Variants in RFTN1 observed in about 807,000 individuals in gnomAD.
RFTN1 encodes raftlin, lipid raft linker 1.
Under a neutral mutation model 46.5 loss-of-function variants are expected in RFTN1, and 26 were observed. That is an observed-to-expected ratio of 0.56 (90% CI 0.41 to 0.78). The LOEUF is 0.78. Ranked by LOEUF, RFTN1 falls within the 30% of genes least tolerant of loss-of-function variation. The pLI is 0.00. For missense variants in RFTN1, 693 were observed against 718.7 expected (o/e 0.96, Z 0.41); for synonymous variants, 261 against 284.2 (o/e 0.92, Z 0.82).
chr3:16,347,312 T>C (rs1410934581), intron 7 of RFTN1, among the ~76,000 whole-genome samples: 1 of 152,262 alleles, frequency 6.6e-6, no homozygotes, highest in East Asian at 1.9e-4. Context: ...GGGGGGGCTA[T>C]AACAAATGAC....
rs531966468 is a variant in RFTN1 at position 16,428,480 on chromosome 3, T to C, written c.332+5371A>G. The stretch of plus-strand genomic sequence containing the variant: ...AAGGGTAACTTTGATTGTACACATT[T>C]TCCACCTTCCACAAGAATTTTAGAA... On this transcript the variant is annotated intron_variant, in intron 3 of 9. Coordinates refer to ENST00000334133, the MANE Select transcript of RFTN1 (RefSeq NM_015150.2). This position sits in a 1 kb window ranked among gnomAD's most constrained non-coding sequence, Gnocchi z 4.7. Among the ~76,000 whole-genome samples, 1 of 152,344 alleles carries C rather than the reference T, an allele frequency of 6.6e-6. No individual in the cohort carries two copies. Among genetic ancestry groups the C allele is most frequent in the African/African-American group, 2.4e-5 (1 of 41,584 alleles).
At chr3:16,487,089 C>G (rs1479199340) in intron 2 of RFTN1, among the ~76,000 whole-genome samples, 1 of 152,174 alleles carries the variant, frequency 6.6e-6, no homozygotes, top group Non-Finnish European at 1.5e-5. Context: ...ACCTTGATAT[C>G]CAGGGTAGCA....
rs1217517753 is a variant in RFTN1 at position 16,380,473 on chromosome 3, G to A, written c.442-2371C>T. 2.0e-5 allele frequency among the ~76,000 whole-genome samples: 3 copies of A among 152,162 alleles called. No homozygotes were observed. The East Asian group carries it at 5.8e-4, about 29-fold the overall frequency. On this transcript the variant is annotated intron_variant, in intron 4 of 9. Transcript: ENST00000334133. This position sits in a 1 kb window ranked among gnomAD's most constrained non-coding sequence, Gnocchi z 4.8. ...CCTCACTGGGACTGGAGGAATTGGAGAGGCTTGGACACAGACACCTGCCCT... is the reference window on the plus strand; with the variant it reads ...CCTCACTGGGACTGGAGGAATTGGAAAGGCTTGGACACAGACACCTGCCCT...
At chr3:16,430,738 A>T (rs898757989) in intron 3 of RFTN1, among the ~76,000 whole-genome samples, 3 of 152,196 alleles carry the variant, frequency 2.0e-5, no homozygotes, top group Non-Finnish European at 4.4e-5. Flanking sequence ...AGGAGTTGAA[A>T]TGTTCATTAA....
chr3:16,406,841 C>T (rs1273210417), intron 4 of RFTN1, among the ~76,000 whole-genome samples: 2 of 152,172 alleles, frequency 1.3e-5, no homozygotes, highest in Admixed American at 1.3e-4. Context: ...AGGACTTATA[C>T]AAACACAGAA....
intron 6 of RFTN1, among the ~76,000 whole-genome samples, chr3:16,359,766 G>C (rs910527619): frequency 6.6e-6 from 1 of 152,000 alleles, no homozygotes; most frequent in Admixed American, 6.6e-5. Context: ...TCAATGATAC[G>C]CTCTTTTAAA....
In RFTN1 at chr3:16,322,126, G is replaced by A. The variant is rs1271530055; in HGVS notation, c.1332+1250C>T. ...GTGAGCCTGTGGCTGAGCTGAAACT[G>A]ACAGCGCTCTGCAGCCGATCCATCT... On this transcript the variant is annotated intron_variant, in intron 9 of 9. Transcript: ENST00000334133. The surrounding 1 kb of genome is among the most constrained non-coding windows in gnomAD (Gnocchi z 6.2). Among the ~76,000 whole-genome samples the A allele has an allele frequency of 6.6e-6, 1 of 152,244 alleles. No individual in the cohort carries two copies. The highest frequency in any genetic ancestry group is 1.5e-5 in the Non-Finnish European group (1 of 68,046).
At chr3:16,495,860 C>T (rs779728395) in intron 1 of RFTN1, among the ~76,000 whole-genome samples, 1 of 152,346 alleles carries the variant, frequency 6.6e-6, no homozygotes, top group East Asian at 1.9e-4. Context: ...CCTGCATCCC[C>T]CCTTGGGAAC....
rs188299794 is a variant in RFTN1 at position 16,493,968 on chromosome 3, G to A, written c.-8-91C>T. On this transcript the variant is annotated intron_variant, in intron 1 of 9. Coordinates refer to ENST00000334133, the MANE Select transcript of RFTN1 (RefSeq NM_015150.2). ...GTATAAAAGATGCCGTAATTTTCCT[G>A]AAGAATACATGACAGACCTCAGCCC... is the stretch of plus-strand genomic sequence containing the variant. The A allele has an allele frequency of 5.6e-6, 8 of 1,420,108 alleles. No individual in the cohort carries two copies. The Admixed American group carries it at 1.5e-4, about 26-fold the overall frequency. The allele number at this position is 1,420,108 out of a possible 1,614,324, so 88.0% of individuals were successfully genotyped here. A position where few individuals can be genotyped will look rare whatever the true frequency, so the allele number is the denominator to read the frequency against.
chr3:16,434,042 AGTGGAGAGAGGAGAG>A lies in RFTN1; in HGVS notation c.146-20_146-6del. ...CTGAGGACCCAGGGAGCTCCGCTGG[AGTGGAGAGAGGAGAG>A]GCTCATCAAAGACCCATCACAACGC... On this transcript the variant is annotated splice_region_variant and splice_polypyrimidine_tract_variant and intron_variant, in intron 2 of 9. Transcript: ENST00000334133. The A allele has an allele frequency of 6.3e-7, 1 of 1,582,030 alleles. No homozygotes were observed. The highest frequency in any genetic ancestry group is 8.6e-7 in the Non-Finnish European group (1 of 1,167,634).
In RFTN1 at chr3:16,433,626, T is replaced by C. The variant is rs1253880417; in HGVS notation, c.332+225A>G. Among the ~76,000 whole-genome samples the C allele has an allele frequency of 6.6e-6, 1 of 152,174 alleles. No homozygotes were observed. The highest frequency in any genetic ancestry group is 1.5e-5 in the Non-Finnish European group (1 of 68,028). ...GTTAAAAGAGGGAAAGAATGTAAAA[T>C]GGAACTCTCTACTTGCAGTTGGACA... On this transcript the variant is annotated intron_variant, in intron 3 of 9. Coordinates refer to ENST00000334133, the MANE Select transcript of RFTN1 (RefSeq NM_015150.2). The surrounding 1 kb of genome is among the most constrained non-coding windows in gnomAD (Gnocchi z 4.4).
rs187096484 is a variant in RFTN1 at position 16,459,901 on chromosome 3, A to G, written c.146-25864T>C. Among the ~76,000 whole-genome samples, 18 of 152,312 alleles carry G rather than the reference A, an allele frequency of 1.2e-4. No individual in the cohort carries two copies. In the East Asian group the frequency reaches 3.5e-3, roughly 29 times the overall value. On this transcript the variant is annotated intron_variant, in intron 2 of 9. Transcript: ENST00000334133. The surrounding 1 kb of genome is among the most constrained non-coding windows in gnomAD (Gnocchi z 4.2). ...TTCCTATAACTTTTAGTTATTTGAC[A>G]TTTGCAAACTAAACTGGAAAACTAA... is the stretch of plus-strand genomic sequence containing the variant.
chr3:16,377,800 TTCTCCACCATCTCCC>T lies in RFTN1; in HGVS notation c.729_743del (p.Gly244_Glu248del). The T allele has an allele frequency of 6.2e-7, 1 of 1,614,150 alleles. No individual in the cohort carries two copies. Among genetic ancestry groups the T allele is most frequent in the Non-Finnish European group, 8.5e-7 (1 of 1,180,018 alleles). ...TCTTGCTCACCCCCTGTGGTGAAAG[TTCTCCACCATCTCCC>T]TCTCCGGAGGGTGAGCTGGGCTGCT... On this transcript the variant is annotated inframe_deletion, in exon 5 of 10. Transcript: ENST00000334133.
At chr3:16,390,196 C>A (rs2074313171) in intron 4 of RFTN1, among the ~76,000 whole-genome samples, 1 of 152,226 alleles carries the variant, frequency 6.6e-6, no homozygotes, top group Non-Finnish European at 1.5e-5. Flanking sequence ...GTTTGTTACA[C>A]AGCAATAGAC....
At chr3:16,454,861 C>T in intron 2 of RFTN1, 1 of 778,108 alleles carries the variant, frequency 1.3e-6, no homozygotes, top group Non-Finnish European at 1.6e-6. Flanking sequence ...AGCTTTTTGC[C>T]TAGTCCATAA....
intron 2 of RFTN1, among the ~76,000 whole-genome samples, chr3:16,435,973 A>T (rs2075505737): frequency 6.8e-6 from 1 of 146,802 alleles, no homozygotes; most frequent in Admixed American, 6.8e-5. Context: ...GTGCATTGTA[A>T]TTTTTTCAGC....
intron 1 of RFTN1, among the ~76,000 whole-genome samples, chr3:16,501,233 G>A (rs573974266): frequency 1.3e-5 from 2 of 152,274 alleles, no homozygotes; most frequent in South Asian, 2.1e-4. Flanking sequence ...AATGTCCTGT[G>A]TCATTTTAAA....
intron 4 of RFTN1, among the ~76,000 whole-genome samples, chr3:16,389,041 G>T (rs547131111): frequency 3.5e-4 from 54 of 152,290 alleles, no homozygotes; most frequent in African/African-American, 1.2e-3. Flanking sequence ...ATTTAACCAG[G>T]AGCAGATGTT....
Position 16,459,371 on chromosome 3 carries a change from C to A in RFTN1, c.146-25334G>T, listed in dbSNP as rs114857979. Among the ~76,000 whole-genome samples the A allele has an allele frequency of 3.2e-3, 481 of 152,280 alleles. 3 individuals are homozygous for A. Among genetic ancestry groups the A allele is most frequent in the African/African-American group, 0.011 (455 of 41,552 alleles). On this transcript the variant is annotated intron_variant, in intron 2 of 9. Coordinates refer to ENST00000334133, the MANE Select transcript of RFTN1 (RefSeq NM_015150.2). This position sits in a 1 kb window ranked among gnomAD's most constrained non-coding sequence, Gnocchi z 4.2. The stretch of plus-strand genomic sequence containing the variant: ...AAAACTATTTTTCATTTTCTCATAT[C>A]TCAAAAGATTGAAAATTACAAATCC...
Sources: allele counts gnomAD v4.1 joint callset (sites outside exome capture counted in the v4.1 genomes callset), GRCh38; gene constraint gnomAD v4.1.1; non-coding constraint Gnocchi (gnomAD v3.1); transcripts MANE v1.5; gene names NCBI Gene and HGNC (gene_info 2026-07-23, HGNC 2026-07-21).